The following TXNRD1 variants were observed in gnomAD, a reference collection of about 807,000 sequenced individuals.
TXNRD1 encodes the protein thioredoxin reductase 1.
TXNRD1 carries 57 observed loss-of-function variants against 80.3 expected under a neutral mutation model. That is an observed-to-expected ratio of 0.71 (90% CI 0.57 to 0.89). The LOEUF (loss-of-function observed/expected upper bound fraction) is 0.89. Ranked by LOEUF, TXNRD1 falls within the 40% of genes least tolerant of loss-of-function variation. The pLI, the probability that TXNRD1 is intolerant of heterozygous loss-of-function variation, is 0.00. For missense variants in TXNRD1, 730 were observed against 803.0 expected (o/e 0.91, Z 1.10); for synonymous variants, 291 against 285.2 (o/e 1.02, Z -0.20).
Position 104,233,595 on chromosome 12 carries a change from C to A in TXNRD1, c.91+17702C>A, listed in dbSNP as rs569054057. 7.8e-4 allele frequency among the ~76,000 whole-genome samples: 119 copies of A among 152,316 alleles called. 1 individual carries two copies. The highest frequency in any genetic ancestry group is 2.7e-3 in the African/African-American group (113 of 41,574). ...GGAGTGCAATGGCACAATCTCGGCT[C>A]ACTGCAACCTCTGCCTCCCAGGATC... is the stretch of plus-strand genomic sequence containing the variant. On this transcript the variant is annotated intron_variant, in intron 1 of 16. Coordinates refer to ENST00000525566, the MANE Select transcript of TXNRD1 (RefSeq NM_001093771.3).
intron 11 of TXNRD1, among the ~76,000 whole-genome samples, 173 bp from the exon 12 acceptor site, chr12:104,326,174 T>C (rs1593848260): frequency 6.6e-6 from 1 of 152,328 alleles, no homozygotes; most frequent in South Asian, 2.1e-4. Context: ...CAAAGGATTT[T>C]TTTCTGAAGA....
intron 4 of TXNRD1, chr12:104,304,939 A>T: frequency 6.4e-7 from 1 of 1,572,770 alleles, no homozygotes; most frequent in Non-Finnish European, 8.6e-7. Flanking sequence ...CATACTAAAG[A>T]TTTCTTAGTA....
At chr12:104,281,670 T>G (rs532359335) in intron 3 of TXNRD1, among the ~76,000 whole-genome samples, 6 of 152,200 alleles carry the variant, frequency 3.9e-5, no homozygotes, top group South Asian at 2.1e-4. Flanking sequence ...CCTCCTGAAG[T>G]GCTGGGATTA....
rs2035280496 is a variant in TXNRD1, at chr12:104,315,184, C to T, written c.611-593C>T. 2.0e-5 allele frequency among the ~76,000 whole-genome samples: 3 copies of T among 152,162 alleles called. No individual in the cohort carries two copies. The South Asian group carries it at 6.2e-4, about 32-fold the overall frequency. On this transcript the variant is annotated intron_variant, in intron 6 of 16. Coordinates refer to ENST00000525566, the MANE Select transcript of TXNRD1 (RefSeq NM_001093771.3). ...TTGAATTACAATGGGGGACTACATC[C>T]TGATAAAATCCTTTGTAAGTTGAAA... is the stretch of plus-strand genomic sequence containing the variant.
intron 2 of TXNRD1, among the ~76,000 whole-genome samples, chr12:104,256,356 A>C (rs1483202215): frequency 6.6e-6 from 1 of 152,196 alleles, no homozygotes; most frequent in Non-Finnish European, 1.5e-5. Flanking sequence ...AAGAGGTTTT[A>C]AAGTGCAAAG....
At chr12:104,331,703 A>AAT in intron 14 of TXNRD1, 62 bp downstream of exon 14, 1 of 1,110,238 alleles carries the variant, frequency 9.0e-7, no homozygotes, top group Non-Finnish European at 1.3e-6. Flanking sequence ...CAGAATTTAA[A>AAT]ATATATAGAA....
intron 4 of TXNRD1, 143 bp downstream of exon 4, chr12:104,289,183 C>A: frequency 1.1e-6 from 1 of 944,312 alleles, no homozygotes; most frequent in Non-Finnish European, 1.5e-6. Flanking sequence ...CGCTCGTGGG[C>A]TAGCGCATGT....
At chr12:104,232,933 C>T (rs566290630) in intron 1 of TXNRD1, among the ~76,000 whole-genome samples, 10 of 152,248 alleles carry the variant, frequency 6.6e-5, no homozygotes, top group South Asian at 2.1e-4. Flanking sequence ...GGAGCTGGAC[C>T]GCACAATCTA....
intron 4 of TXNRD1, chr12:104,304,258 C>T (rs2034784529): frequency 6.2e-7 from 1 of 1,614,042 alleles, no homozygotes; most frequent in Non-Finnish European, 8.5e-7. Flanking sequence ...AGCAGTTAAA[C>T]TCAGATATGA....
intron 4 of TXNRD1, among the ~76,000 whole-genome samples, chr12:104,301,414 T>G (rs933379384): frequency 4.6e-5 from 7 of 152,212 alleles, no homozygotes; most frequent in Non-Finnish European, 1.0e-4. Flanking sequence ...CTTGGCTCAC[T>G]GCAAGCTCCG....
chr12:104,303,630 T>TGGTCTATGAGCGAGCGCCTCGGC (rs1461210199), intron 4 of TXNRD1: 1 of 358,944 alleles, frequency 2.8e-6, no homozygotes, highest in Non-Finnish European at 5.0e-6. Flanking sequence ...AGCGCCGCGC[T>TGGTCTATGAGCGAGCGCCTCGGC]GGTCTATGAG....
chr12:104,304,368 G>C, intron 4 of TXNRD1: 1 of 1,614,050 alleles, frequency 6.2e-7, no homozygotes, highest in Non-Finnish European at 8.5e-7. Context: ...TGTGATGATA[G>C]CATAGCTCTT....
chr12:104,321,115 C>T lies in TXNRD1; in HGVS notation c.1014C>T (p.Tyr338=). The change falls in exon 10 of 17, where the codon TAC becomes TAT. Residue 338 remains tyrosine, a synonymous_variant. Coordinates refer to ENST00000525566, the MANE Select transcript of TXNRD1 (RefSeq NM_001093771.3). ...ISSDDLFSLP[Y]CPGKTLVVGA... ...GTGATGATCTTTTCTCCTTGCCTTACTGCCCGGGTAAGACCCTGGTTGTTG... is the reference window on the plus strand; with the variant it reads ...GTGATGATCTTTTCTCCTTGCCTTATTGCCCGGGTAAGACCCTGGTTGTTG... The T allele has an allele frequency of 6.2e-7, 1 of 1,607,660 alleles. No individual in the cohort carries two copies. The highest frequency in any genetic ancestry group is 1.1e-5 in the South Asian group (1 of 90,856).
chr12:104,302,283 G>A (rs993875810), intron 4 of TXNRD1, among the ~76,000 whole-genome samples: 2 of 152,008 alleles, frequency 1.3e-5, no homozygotes, highest in South Asian at 4.1e-4. Flanking sequence ...TTCTGCTAAT[G>A]CTAAAGAAAT....
At chr12:104,339,901 C>T (rs1190681332) in intron 16 of TXNRD1, among the ~76,000 whole-genome samples, 1 of 152,190 alleles carries the variant, frequency 6.6e-6, no homozygotes, top group Non-Finnish European at 1.5e-5. Flanking sequence ...CAGTGATTAT[C>T]TGTTGTAGCC....
intron 1 of TXNRD1, chr12:104,224,744 G>T (rs535240559): frequency 1.4e-5 from 6 of 439,042 alleles, no homozygotes; most frequent in African/African-American, 2.0e-5. Context: ...GTAGATGCTC[G>T]GTAAATGTTC....
chr12:104,343,816 C>T lies in TXNRD1; in HGVS notation c.1882-4537C>T, dbSNP rs573414685. On this transcript the variant is annotated intron_variant, in intron 16 of 16. Coordinates refer to ENST00000525566, the MANE Select transcript of TXNRD1 (RefSeq NM_001093771.3). ...CCTGTCTCAAAAAAAAAAAATAAAA[C>T]AAAATGGCCTGGCTCAGTGGCTCAC... Among the ~76,000 whole-genome samples, 14 of 125,532 alleles carry T rather than the reference C, an allele frequency of 1.1e-4. No homozygotes were observed. The South Asian group carries it at 1.1e-3, about 10-fold the overall frequency. 82.4% of individuals were successfully genotyped at this position (125,532 alleles called of 152,430 possible).
intron 3 of TXNRD1, among the ~76,000 whole-genome samples, chr12:104,281,117 T>C (rs1038788899): frequency 6.6e-6 from 1 of 152,178 alleles, no homozygotes; most frequent in African/African-American, 2.4e-5. Context: ...ACTATTGTTT[T>C]CCCCCACCTC....
At chr12:104,223,449 T>C (rs528418549) in intron 1 of TXNRD1, among the ~76,000 whole-genome samples, 1 of 152,134 alleles carries the variant, frequency 6.6e-6, no homozygotes, top group Non-Finnish European at 1.5e-5. Flanking sequence ...ATGTATAGAG[T>C]GAGATCAAGG....
Sources: allele counts gnomAD v4.1 joint callset (sites outside exome capture counted in the v4.1 genomes callset), GRCh38; gene constraint gnomAD v4.1.1; transcripts MANE v1.5; gene names NCBI Gene and HGNC (gene_info 2026-07-23, HGNC 2026-07-21).